EXD1: variants seen among roughly 807,000 people sequenced by gnomAD.
EXD1 encodes piRNA biogenesis protein EXD1.
EXD1 carries 63 observed loss-of-function variants against 49.1 expected under a neutral mutation model. The observed-to-expected ratio is 1.28, with a 90% confidence interval of 1.05 to 1.58. EXD1 has a LOEUF of 1.58. EXD1 is among the 40% of genes most tolerant of loss of function. EXD1 has a pLI of 0.00. For missense variants in EXD1, 748 were observed against 666.0 expected (o/e 1.12, Z -1.36); for synonymous variants, 234 against 239.2 (o/e 0.98, Z 0.20).
intron 7 of EXD1, among the ~76,000 whole-genome samples, chr15:41,199,707 C>CAT (rs375057768): frequency 1.1e-5 from 1 of 93,776 alleles, no homozygotes; most frequent in African/African-American, 4.3e-5. Flanking sequence ...TTACATATAT[C>CAT]ATATATATGA....
chr15:41,209,024 A>G (rs924377998), intron 7 of EXD1, among the ~76,000 whole-genome samples: 2 of 152,176 alleles, frequency 1.3e-5, no homozygotes, highest in African/African-American at 4.8e-5. Context: ...AGGAGACAGA[A>G]GCTCTCTCCT....
chr15:41,223,130 TG>T (rs2047114781), intron 2 of EXD1, among the ~76,000 whole-genome samples: 1 of 151,990 alleles, frequency 6.6e-6, no homozygotes, highest in African/African-American at 2.4e-5. Flanking sequence ...AAAATAAAAT[TG>T]TTTTTTAGGC....
intron 3 of EXD1, among the ~76,000 whole-genome samples, chr15:41,217,641 C>G (rs940381770): frequency 1.3e-5 from 2 of 151,636 alleles, no homozygotes; most frequent in Admixed American, 1.3e-4. Flanking sequence ...GGTGATACTC[C>G]TGCCTCAGCC....
chr15:41,200,844 A>G (rs2046717209), intron 7 of EXD1, among the ~76,000 whole-genome samples: 1 of 151,976 alleles, frequency 6.6e-6, no homozygotes. Context: ...GTGTGAGGAA[A>G]CAACCCCCAC....
intron 7 of EXD1, among the ~76,000 whole-genome samples, chr15:41,202,308 G>A (rs2046745813): frequency 6.6e-6 from 1 of 151,850 alleles, no homozygotes; most frequent in South Asian, 2.1e-4. Flanking sequence ...CTGAGTAGCT[G>A]GGATTAATAG....
In EXD1 at chr15:41,226,491, C is replaced by T; in HGVS notation, c.85G>A (p.Gly29Ser). ...KLTLVCGVFEGVLQHVDPNKI... is the reference protein window; with the variant it reads ...KLTLVCGVFESVLQHVDPNKI... ...TTAGGGTCAACATGCTGAAGCACAC[C>T]CTCGAAGACACCACAGACCAATGTG... The change falls in exon 2 of 12, where the codon GGT becomes AGT. Residue 29 changes from glycine to serine, a missense_variant. Gly to Ser is a moderately conservative substitution (Grantham distance 56). Coordinates refer to ENST00000458580, the MANE Select transcript of EXD1 (RefSeq NM_001286441.2). The T allele has an allele frequency of 1.3e-6, 2 of 1,535,978 alleles. No homozygotes were observed. Among genetic ancestry groups the T allele is most frequent in the Non-Finnish European group, 1.7e-6 (2 of 1,146,888 alleles).
intron 6 of EXD1, among the ~76,000 whole-genome samples, chr15:41,211,492 A>T (rs1190272965): frequency 6.6e-6 from 1 of 151,870 alleles, no homozygotes; most frequent in African/African-American, 2.4e-5. Flanking sequence ...AATACTTACA[A>T]CTCAATGATA....
intron 7 of EXD1, among the ~76,000 whole-genome samples, chr15:41,201,369 A>G (rs938063895): frequency 2.0e-5 from 3 of 152,122 alleles, no homozygotes; most frequent in Admixed American, 1.3e-4. Context: ...TTCATAAGAG[A>G]AGATCCCTAC....
intron 7 of EXD1, among the ~76,000 whole-genome samples, chr15:41,201,261 T>C (rs1050394893): frequency 6.6e-6 from 1 of 152,112 alleles, no homozygotes; most frequent in African/African-American, 2.4e-5. Context: ...GGGAACACCA[T>C]TTTAAGGTGA....
intron 9 of EXD1, among the ~76,000 whole-genome samples, chr15:41,192,615 T>A (rs1478874523): frequency 4.3e-5 from 4 of 93,152 alleles, no homozygotes; most frequent in Admixed American, 2.2e-4. Flanking sequence ...TTTTTTTTTT[T>A]TTTTTTTTTT....
chr15:41,186,894 C>CT (rs374021562), intron 11 of EXD1, among the ~76,000 whole-genome samples: 13,393 of 127,040 alleles, frequency 0.11, 838 homozygotes, highest in South Asian at 0.25. Context: ...TTTTTTTTTT[C>CT]TTTTTTTTTT....
At chr15:41,228,758 C>A (rs1240352231) in intron 1 of EXD1, among the ~76,000 whole-genome samples, 1 of 151,980 alleles carries the variant, frequency 6.6e-6, no homozygotes, top group Non-Finnish European at 1.5e-5. Flanking sequence ...GAGTGCAGTA[C>A]CGCTATCTTG....
At position 41,195,783 on chromosome 15, in the gene EXD1, C is replaced by T; in HGVS notation, c.712G>A (p.Asp238Asn). The T allele has an allele frequency of 6.2e-7, 1 of 1,612,556 alleles. No homozygotes were observed. Among genetic ancestry groups the T allele is most frequent in the Non-Finnish European group, 8.5e-7 (1 of 1,179,474 alleles). ...QYGILLNNVF[D>N]TQVADVLQFS... ...TGCTTCCCTTCATGTACCTGTGTGT[C>T]AAAGACATTATTCAGCAAAATTCCA... Residue 238 changes from aspartate to asparagine, a missense_variant, in exon 9 of 12, where the codon GAC (aspartate) becomes AAC (asparagine). Coordinates refer to ENST00000458580, the MANE Select transcript of EXD1 (RefSeq NM_001286441.2).
intron 1 of EXD1, among the ~76,000 whole-genome samples, chr15:41,227,719 A>G (rs1375173931): frequency 6.6e-6 from 1 of 151,828 alleles, no homozygotes; most frequent in African/African-American, 2.4e-5. Context: ...GAAATGTACA[A>G]AGTAAAGAAA....
chr15:41,216,315 AAAAG>A (rs1330541611), intron 5 of EXD1, among the ~76,000 whole-genome samples: 3 of 151,854 alleles, frequency 2.0e-5, no homozygotes, highest in South Asian at 4.1e-4. Context: ...AAAAAAAAAA[AAAAG>A]AGAGAGAGAG....
chr15:41,212,584 A>G (rs1384452147), intron 6 of EXD1, among the ~76,000 whole-genome samples: 1 of 152,198 alleles, frequency 6.6e-6, no homozygotes, highest in Non-Finnish European at 1.5e-5. Flanking sequence ...TAGCAATTTC[A>G]CTCCTAGGTA....
intron 7 of EXD1, among the ~76,000 whole-genome samples, chr15:41,205,161 T>G (rs1208638259): frequency 6.6e-6 from 1 of 152,152 alleles, no homozygotes. Flanking sequence ...AATCTGCCTT[T>G]TTGTGAGTTA....
At position 41,196,009 on chromosome 15, in the gene EXD1, A is replaced by G. The variant is rs2046607176; in HGVS notation, c.563T>C (p.Phe188Ser). 4 of 1,613,368 alleles carry G rather than the reference A, an allele frequency of 2.5e-6. No individual in the cohort carries two copies. Among genetic ancestry groups the G allele is most frequent in the Non-Finnish European group, 2.5e-6 (3 of 1,179,812 alleles). Residue 188 changes from phenylalanine (F) to serine (S), a missense_variant, in exon 8 of 12, where the codon TTT becomes TCT. By Grantham distance (155) the Phe-to-Ser change is radical (BLOSUM62 -2). Coordinates refer to ENST00000458580, the MANE Select transcript of EXD1 (RefSeq NM_001286441.2). Reference protein sequence around the residue: ...QVATNCRVYLFDIFLLGSRAF... With the variant: ...QVATNCRVYLSDIFLLGSRAF... ...TCGACTTCCCAGAAGGAAAATGTCA[A>G]ATAAGTAAACTCGGCAATTTGTGGC...
intron 2 of EXD1, among the ~76,000 whole-genome samples, chr15:41,220,743 G>A (rs998871669): frequency 4.6e-5 from 7 of 152,170 alleles, no homozygotes; most frequent in African/African-American, 1.7e-4. Context: ...CATAGCAGCT[G>A]TCTTTTTCCA....
Sources: gnomAD v4.1 joint callset for allele counts (sites outside exome capture counted in the v4.1 genomes callset) on GRCh38, gnomAD v4.1.1 for gene constraint, MANE v1.5 for transcripts, NCBI Gene and HGNC (gene_info 2026-07-23, HGNC 2026-07-21) for gene names.